ALDH1L1: variants seen among roughly 807,000 people sequenced by gnomAD.
ALDH1L1 encodes the protein aldehyde dehydrogenase 1 family member L1.
A neutral mutation model predicts 101.1 loss-of-function variants in ALDH1L1; 68 were observed. The observed-to-expected ratio is 0.67, with a 90% CI of 0.55 to 0.82. The LOEUF is 0.82. Ranked by LOEUF, ALDH1L1 falls within the 40% of genes least tolerant of loss-of-function variation. The probability of loss-of-function intolerance (pLI) is 0.00; values close to 1 mark genes in which losing one functional copy is unlikely to be tolerated. For synonymous variants in ALDH1L1, 486 were observed against 470.8 expected (o/e 1.03, Z -0.42); for missense variants, 1,087 against 1,172.7 (o/e 0.93, Z 1.07).
intron 10 of ALDH1L1, 71 bp from the exon 11 acceptor site, chr3:126,136,954 A>T: frequency 6.3e-7 from 1 of 1,590,368 alleles, no homozygotes; most frequent in Non-Finnish European, 8.6e-7. Context: ...ATGGCCACAC[A>T]GTCACACACA....
intron 9 of ALDH1L1, among the ~76,000 whole-genome samples, chr3:126,138,741 T>G (rs2080505806): frequency 6.6e-6 from 1 of 152,190 alleles, no homozygotes; most frequent in Admixed American, 6.5e-5. Context: ...TTCTAAAGAA[T>G]TAAACATACT....
chr3:126,153,678 G>A, intron 6 of ALDH1L1, 97 bp from the exon 7 acceptor site: 1 of 1,464,270 alleles, frequency 6.8e-7, no homozygotes, highest in South Asian at 1.4e-5. Flanking sequence ...GAGGGAGAGG[G>A]GCCAGGGGTA....
Position 126,131,537 on chromosome 3 carries a change from G to A in ALDH1L1, c.1473-3C>T, listed in dbSNP as rs2080306048. 1.9e-6 allele frequency: 3 copies of A among 1,604,308 alleles called. No homozygotes were observed. The highest frequency in any genetic ancestry group is 2.6e-6 in the Non-Finnish European group (3 of 1,172,076). ...GCTGCTCCATGAGATCTGCCAACCT[G>A]ACCAGGGTGAGGGGAAGCGGGAGGT... On this transcript the variant is annotated splice_region_variant and splice_polypyrimidine_tract_variant and intron_variant, in intron 12 of 22. Transcript: ENST00000393434.
At chr3:126,152,813 C>A (rs2080831172) in intron 7 of ALDH1L1, 1 of 161,606 alleles carries the variant, frequency 6.2e-6, no homozygotes, top group African/African-American at 2.4e-5. Context: ...TGATCCTGGA[C>A]AAGTTATTTA....
chr3:126,149,026 T>C (rs2080755407), intron 8 of ALDH1L1, among the ~76,000 whole-genome samples: 1 of 152,208 alleles, frequency 6.6e-6, no homozygotes, highest in Non-Finnish European at 1.5e-5. Flanking sequence ...GGAACCTGGG[T>C]GAGAGCTTTT....
In ALDH1L1 at chr3:126,146,816, C is replaced by T; in HGVS notation, c.1076+19G>A. 1.9e-6 allele frequency: 3 copies of T among 1,612,500 alleles called. No individual in the cohort carries two copies. The highest frequency in any genetic ancestry group is 2.5e-6 in the Non-Finnish European group (3 of 1,179,026). On this transcript the variant is annotated intron_variant, in intron 9 of 22. Transcript: ENST00000393434. ...AGCACCAAGTACCTGGGACAGGACC[C>T]CTCCACTCCTGGCCTTACCTCACAA... is the stretch of plus-strand genomic sequence containing the variant.
At position 126,110,025 on chromosome 3, in the gene ALDH1L1, C is replaced by T. The variant is rs754894527; in HGVS notation, c.2266G>A (p.Val756Met). The T allele has an allele frequency of 4.0e-5, 64 of 1,614,130 alleles. No homozygotes were observed. In the South Asian group the frequency reaches 6.7e-4, roughly 17 times the overall value. ...TGCTGGCAGTACTCCATCAGCTTCA[C>T]AAGGTGGGCATGGTGATTCTGCGGC... is the stretch of plus-strand genomic sequence containing the variant. ...HGPQNHHAHL[V>M]KLMEYCQHGV... Residue 756 changes from valine to methionine, a missense_variant, in exon 20 of 23, where the codon GTG becomes ATG. Around this residue, in one of 2 missense-constraint regions of ALDH1L1, gnomAD observed 442 missense variants for 535.7 expected, o/e 0.83. Coordinates refer to ENST00000393434, the MANE Select transcript of ALDH1L1 (RefSeq NM_012190.4).
intron 7 of ALDH1L1, chr3:126,152,223 G>A: frequency 6.6e-6 from 1 of 152,254 alleles, no homozygotes; most frequent in East Asian, 1.9e-4. Flanking sequence ...AGGTATAATT[G>A]GAGGGTGCAG....
At chr3:126,108,651 C>T (rs556378122) in intron 20 of ALDH1L1, among the ~76,000 whole-genome samples, 82 of 152,358 alleles carry the variant, frequency 5.4e-4, no homozygotes, top group Non-Finnish European at 6.6e-4. Flanking sequence ...CCCTGTGACA[C>T]GGGCATGCCC....
chr3:126,184,127 A>G (rs2081497976), upstream of ALDH1L1, among the ~76,000 whole-genome samples: 1 of 152,198 alleles, frequency 6.6e-6, no homozygotes, highest in African/African-American at 2.4e-5. Context: ...TAGACCAGAG[A>G]GAGAAGCTGA....
chr3:126,125,657 A>G lies in ALDH1L1; in HGVS notation c.1759T>C (p.Cys587Arg). 1 of 1,600,500 alleles carries G rather than the reference A, an allele frequency of 6.2e-7. No individual in the cohort carries two copies. Among genetic ancestry groups the G allele is most frequent in the Non-Finnish European group, 8.5e-7 (1 of 1,172,602 alleles). The change falls in exon 15 of 23, where the codon TGC becomes CGC. Residue 587 changes from cysteine (C) to arginine (R), a missense_variant. Physicochemically the swap from Cys to Arg is radical, Grantham distance 180 (BLOSUM62 -3). Transcript: ENST00000393434. ...LMMLSWKTAACLAAGNTVVIK... is the reference protein window; with the variant it reads ...LMMLSWKTAARLAAGNTVVIK... ...ACCACTGTGTTCCCGGCAGCCAGGCAGGCAGCTGTCTTCCAGGACAGCATC... is the reference window on the plus strand; with the variant it reads ...ACCACTGTGTTCCCGGCAGCCAGGCGGGCAGCTGTCTTCCAGGACAGCATC...
At chr3:126,182,535 C>T (rs892612514), upstream of ALDH1L1, among the ~76,000 whole-genome samples, 1 of 152,156 alleles carries the variant, frequency 6.6e-6, no homozygotes, top group African/African-American at 2.4e-5. Context: ...AGCTTATTCT[C>T]CTGGGAAGTC....
intron 1 of ALDH1L1, among the ~76,000 whole-genome samples, chr3:126,170,779 A>G (rs764470227): frequency 6.6e-6 from 1 of 152,188 alleles, no homozygotes; most frequent in African/African-American, 2.4e-5. Flanking sequence ...TTCTAGCCTC[A>G]TGCATTTCAA....
chr3:126,146,797 A>G, intron 9 of ALDH1L1, 38 bp downstream of exon 9: 1 of 1,600,464 alleles, frequency 6.2e-7, no homozygotes, highest in Non-Finnish European at 8.5e-7. Context: ...ACACAGCACC[A>G]AGTACCTGGG....
intron 17 of ALDH1L1, 118 bp downstream of exon 17, chr3:126,117,887 C>T (rs1240917525): frequency 9.8e-7 from 1 of 1,019,596 alleles, no homozygotes; most frequent in Non-Finnish European, 1.5e-6. Flanking sequence ...CCAGCAGGGC[C>T]ACGGAAGTGG....
intron 19 of ALDH1L1, among the ~76,000 whole-genome samples, chr3:126,111,189 C>T (rs1413067695): frequency 6.6e-6 from 1 of 152,254 alleles, no homozygotes; most frequent in East Asian, 1.9e-4. Flanking sequence ...TTGTGCCTCC[C>T]ATCACGTGGT....
intron 17 of ALDH1L1, chr3:126,114,965 T>C: frequency 2.1e-6 from 1 of 483,442 alleles, no homozygotes; most frequent in Non-Finnish European, 4.1e-6. Flanking sequence ...TCGCCCCGTA[T>C]AAAACCACAG....
intron 16 of ALDH1L1, among the ~76,000 whole-genome samples, chr3:126,118,425 A>C (rs2108204882): frequency 6.6e-6 from 1 of 152,258 alleles, no homozygotes; most frequent in East Asian, 1.9e-4. Flanking sequence ...TGTCCTTCTA[A>C]GAAGAGGAGA....
At chr3:126,151,660 A>C (rs2108281504) in intron 7 of ALDH1L1, 1 of 152,322 alleles carries the variant, frequency 6.6e-6, no homozygotes, top group South Asian at 2.1e-4. Context: ...CTGTGTAAGA[A>C]TGGTACTCTG....
Sources: gnomAD v4.1 joint callset for allele counts (sites outside exome capture counted in the v4.1 genomes callset) on GRCh38, gnomAD v4.1.1 for gene constraint, gnomAD v4.1.1 regional missense constraint, MANE v1.5 for transcripts, NCBI Gene and HGNC (gene_info 2026-07-23, HGNC 2026-07-21) for gene names.